Variants in SLC3A1 observed in about 807,000 individuals in gnomAD.
The protein encoded by SLC3A1 is amino acid transporter heavy chain SLC3A1.
SLC3A1 carries 78 observed loss-of-function variants against 60.3 expected under a neutral mutation model. The observed-to-expected ratio is 1.29, with a 90% CI of 1.08 to 1.56. The LOEUF (loss-of-function observed/expected upper bound fraction) is 1.56, where lower values mean the gene tolerates loss of function less well. Ranked by LOEUF, SLC3A1 falls within the 40% of genes most tolerant of loss-of-function variation. SLC3A1 has a pLI of 0.00. For synonymous variants in SLC3A1, 392 were observed against 307.9 expected (o/e 1.27, Z -2.86); for missense variants, 1,172 against 858.9 (o/e 1.36, Z -4.56).
intron 4 of SLC3A1, among the ~76,000 whole-genome samples, chr2:44,290,700 G>A (rs6544756): frequency 0.76 from 111,473 of 147,164 alleles, 42,807 homozygotes; most frequent in African/African-American, 0.83. Context: ...TTTTTTTACT[G>A]TATATGTTTG....
At chr2:44,321,985 G>C (rs1227460356), downstream of SLC3A1, 9 of 1,352,220 alleles carry the variant, frequency 6.7e-6, no homozygotes, top group Middle Eastern at 2.3e-4. Flanking sequence ...CCTCTTCTTT[G>C]AGTACTCAGT....
At chr2:44,282,015 G>T (rs1671510312) in intron 3 of SLC3A1, among the ~76,000 whole-genome samples, 1 of 152,064 alleles carries the variant, frequency 6.6e-6, no homozygotes, top group South Asian at 2.1e-4. Context: ...ATGATTACAG[G>T]CGCGCGTCAT....
At position 44,320,355 on chromosome 2, in the gene SLC3A1, ATCTT is replaced by A; in HGVS notation, c.1776_1779del (p.Phe593SerfsTer4). The A allele has an allele frequency of 6.2e-7, 1 of 1,614,126 alleles. No individual in the cohort carries two copies. Among genetic ancestry groups the A allele is most frequent in the Non-Finnish European group, 8.5e-7 (1 of 1,179,976 alleles). ...AAGAGAGCTGGATGGCATCGACAGA[ATCTT>A]TATCGTGGTTCTGAATTTTGGAGAA... On this transcript the variant is annotated frameshift_variant, in exon 10 of 10. Transcript: ENST00000260649. LOFTEE classifies it low-confidence loss of function (END_TRUNC).
intron 4 of SLC3A1, 38 bp from the exon 5 acceptor site, chr2:44,299,933 A>C (rs199768957): frequency 1.2e-6 from 2 of 1,610,120 alleles, no homozygotes; most frequent in South Asian, 1.1e-5. Flanking sequence ...ATAATAACGT[A>C]GTTAATGTAA....
intron 3 of SLC3A1, 25 bp downstream of exon 3, chr2:44,281,566 C>T (rs765467180): frequency 6.2e-7 from 1 of 1,611,976 alleles, no homozygotes. Context: ...GTCTGACTTA[C>T]AAAGGGGTAA....
At chr2:44,304,470 C>A (rs1672101734) in intron 7 of SLC3A1, 132 bp downstream of exon 7, 3 of 747,474 alleles carry the variant, frequency 4.0e-6, no homozygotes, top group Non-Finnish European at 7.1e-6. Flanking sequence ...GTTCAGTGGT[C>A]AGGCCTGTCA....
At position 44,314,188 on chromosome 2, in the gene SLC3A1, T is replaced by C. The variant is rs185482486; in HGVS notation, c.1617+237T>C. On this transcript the variant is annotated intron_variant, in intron 9 of 9. Coordinates refer to ENST00000260649, the MANE Select transcript of SLC3A1 (RefSeq NM_000341.4). Reference sequence around the variant, plus strand: ...ATCATATAGAATATACAAGTCTTCATTGCAATGACCTTTACTAAGGCCTTT... The same window carrying C: ...ATCATATAGAATATACAAGTCTTCACTGCAATGACCTTTACTAAGGCCTTT... The C allele has an allele frequency of 1.2e-4, 125 of 1,036,978 alleles. No individual in the cohort carries two copies. The East Asian group carries it at 1.2e-3, about 10-fold the overall frequency. 64.2% of individuals were successfully genotyped at this position (1,036,978 alleles called of 1,614,324 possible).
intron 9 of SLC3A1, chr2:44,318,092 ACT>A (rs1672581344): frequency 2.6e-6 from 1 of 392,066 alleles, no homozygotes; most frequent in Admixed American, 2.9e-5. Flanking sequence ...GGATCTCAAC[ACT>A]GTTTTTTTTT....
chr2:44,306,994 C>T (rs1055755252), intron 7 of SLC3A1, among the ~76,000 whole-genome samples: 7 of 152,192 alleles, frequency 4.6e-5, no homozygotes, highest in Admixed American at 1.3e-4. Context: ...GCAATAACTG[C>T]GCATGGCCCC....
At chr2:44,305,699 G>A (rs6544758) in intron 7 of SLC3A1, among the ~76,000 whole-genome samples, 5,155 of 152,062 alleles carry the variant, frequency 0.034, 277 homozygotes, top group African/African-American at 0.12. Context: ...AAAGTGCTGG[G>A]ATTATGGGCA....
At chr2:44,301,996 A>C (rs1281925771) in intron 6 of SLC3A1, among the ~76,000 whole-genome samples, 1 of 152,214 alleles carries the variant, frequency 6.6e-6, no homozygotes, top group Non-Finnish European at 1.5e-5. Context: ...TGGAGGTTGC[A>C]GTGAGCTGAG....
At chr2:44,298,063 A>G (rs755206157) in intron 4 of SLC3A1, among the ~76,000 whole-genome samples, 2 of 152,230 alleles carry the variant, frequency 1.3e-5, no homozygotes, top group Non-Finnish European at 2.9e-5. Flanking sequence ...TTGCGTGGAC[A>G]TAAGTTTTCA....
chr2:44,310,301 T>G (rs535256952), intron 7 of SLC3A1, among the ~76,000 whole-genome samples: 1 of 152,354 alleles, frequency 6.6e-6, no homozygotes, highest in East Asian at 1.9e-4. Context: ...CCAATTTCTT[T>G]TCATCCTCAC....
intron 4 of SLC3A1, among the ~76,000 whole-genome samples, chr2:44,293,241 G>T (rs920693486): frequency 3.3e-5 from 5 of 152,140 alleles, no homozygotes; most frequent in Non-Finnish European, 7.4e-5. Flanking sequence ...ACACTGGGCT[G>T]GGCACAGTGG....
intron 7 of SLC3A1, among the ~76,000 whole-genome samples, chr2:44,305,434 T>C (rs986989349): frequency 2.0e-5 from 3 of 149,672 alleles, no homozygotes; most frequent in African/African-American, 7.3e-5. Context: ...TTACTTTTTT[T>C]TTTTTTTTTT....
At chr2:44,309,635 T>C (rs1672244601) in intron 7 of SLC3A1, among the ~76,000 whole-genome samples, 1 of 152,218 alleles carries the variant, frequency 6.6e-6, no homozygotes, top group African/African-American at 2.4e-5. Context: ...AGTCTCACTG[T>C]ATCACCCAGG....
At chr2:44,300,881 T>C in intron 5 of SLC3A1, 122 bp from the exon 6 acceptor site, 1 of 1,079,636 alleles carries the variant, frequency 9.3e-7, no homozygotes, top group Non-Finnish European at 1.4e-6. Context: ...CACAAAACCA[T>C]GTTTGAGTGT....
rs1671479501 is a variant in SLC3A1, at chr2:44,280,811, G to A, written c.526G>A (p.Gly176Ser). The change falls in exon 2 of 10, where the codon GGT becomes AGT. Residue 176 changes from glycine (G) to serine (S), a missense_variant. Coordinates refer to ENST00000260649, the MANE Select transcript of SLC3A1 (RefSeq NM_000341.4). ...ATCGTCCCTTAAAGATTTCAGATAT[G>A]GTGTTGAAGATTTCCGGGAAGTTGA... ...YKSSLKDFRY[G>S]VEDFREVDPI... The A allele has an allele frequency of 1.2e-6, 2 of 1,613,404 alleles. No individual in the cohort carries two copies. Among genetic ancestry groups the A allele is most frequent in the Non-Finnish European group, 1.7e-6 (2 of 1,179,388 alleles).
At chr2:44,310,578 G>C (rs767282847) in intron 7 of SLC3A1, among the ~76,000 whole-genome samples, 27 of 151,986 alleles carry the variant, frequency 1.8e-4, no homozygotes, top group Non-Finnish European at 1.6e-4. Flanking sequence ...GTCTTTTAAC[G>C]GTTTGACTGA....
Sources: allele counts gnomAD v4.1 joint callset (sites outside exome capture counted in the v4.1 genomes callset), GRCh38; gene constraint gnomAD v4.1.1; transcripts MANE v1.5; gene names NCBI Gene and HGNC (gene_info 2026-07-23, HGNC 2026-07-21).